Variants in NEBL observed in about 807,000 individuals in gnomAD.
NEBL encodes the protein LIM and SH3 protein 2.
A neutral mutation model predicts 140.2 loss-of-function variants in NEBL; 122 were observed. The observed-to-expected ratio is 0.87, with a 90% CI of 0.75 to 1.01. NEBL has a LOEUF of 1.01. NEBL is among the 50% of genes least tolerant of loss of function. The probability of loss-of-function intolerance (pLI) is 0.00; values close to 1 mark genes in which losing one functional copy is unlikely to be tolerated. For synonymous variants in NEBL, 436 were observed against 398.9 expected, an observed-to-expected ratio of 1.09 and a Z score of -1.11; for missense variants, 1,365 against 1,231.3, an observed-to-expected ratio of 1.11 and a Z score of -1.62.
At chr10:21,018,114 G>A (rs1051984688) in intron 3 of NEBL, among the ~76,000 whole-genome samples, 1 of 152,030 alleles carries the variant, frequency 6.6e-6, no homozygotes, top group Non-Finnish European at 1.5e-5. Context: ...GAGCCCCCGT[G>A]CCCAGCCTGA....
intron 25 of NEBL, 45 bp downstream of exon 25, chr10:20,809,761 G>T: frequency 2.1e-6 from 3 of 1,403,712 alleles, no homozygotes; most frequent in South Asian, 1.2e-5. Flanking sequence ...GTTCACTTTT[G>T]GGACAAAACC....
At chr10:20,998,591 A>G (rs547871130) in intron 3 of NEBL, among the ~76,000 whole-genome samples, 1 of 152,240 alleles carries the variant, frequency 6.6e-6, no homozygotes, top group African/African-American at 2.4e-5. Context: ...GAACCATAAA[A>G]ATGCTACGTC....
At chr10:21,074,525 G>T (rs1835973239) in intron 2 of NEBL, among the ~76,000 whole-genome samples, 1 of 150,894 alleles carries the variant, frequency 6.6e-6, no homozygotes. Flanking sequence ...TGTTGCCCAG[G>T]CTGGAGTGCA....
At chr10:21,169,061 A>ATATATAT (rs1192477617) in intron 2 of NEBL, among the ~76,000 whole-genome samples, 5 of 41,718 alleles carry the variant, frequency 1.2e-4, no homozygotes, top group African/African-American at 3.0e-4. Flanking sequence ...AAAAAAAAAA[A>ATATATAT]AAAAAAATAT....
intron 4 of NEBL, among the ~76,000 whole-genome samples, chr10:20,906,463 AAACTAT>A (rs1194505754): frequency 6.6e-6 from 1 of 152,192 alleles, no homozygotes; most frequent in East Asian, 1.9e-4. Flanking sequence ...TGTTTAACTT[AAACTAT>A]AAGATAATAT....
At chr10:20,824,522 C>T (rs1418327341) in intron 18 of NEBL, among the ~76,000 whole-genome samples, 1 of 152,132 alleles carries the variant, frequency 6.6e-6, no homozygotes, top group Admixed American at 6.5e-5. Flanking sequence ...AAGGCTTGTA[C>T]TCTGGAGGTG....
intron 26 of NEBL, among the ~76,000 whole-genome samples, chr10:20,801,594 T>C (rs1392080704): frequency 6.6e-6 from 1 of 152,080 alleles, no homozygotes; most frequent in African/African-American, 2.4e-5. Flanking sequence ...GAATGTGAGC[T>C]CTCTAAAAAC....
chr10:21,136,753 A>G (rs1220803165), intron 2 of NEBL, among the ~76,000 whole-genome samples: 1 of 152,168 alleles, frequency 6.6e-6, no homozygotes, highest in Non-Finnish European at 1.5e-5. Context: ...TCTCCTTCCC[A>G]AACCAGCAAA....
intron 2 of NEBL, chr10:21,172,327 T>A: frequency 1.4e-6 from 2 of 1,391,634 alleles, no homozygotes; most frequent in Non-Finnish European, 2.0e-6. Context: ...GCAGGTCCAC[T>A]GGCTCTCAAG....
chr10:21,156,812 A>AAGAT (rs1355370820), intron 2 of NEBL, among the ~76,000 whole-genome samples: 1 of 152,240 alleles, frequency 6.6e-6, no homozygotes, highest in Non-Finnish European at 1.5e-5. Context: ...TAGGAATATT[A>AAGAT]AGATTATAAA....
At chr10:20,791,551 A>G (rs1835980104) in intron 26 of NEBL, among the ~76,000 whole-genome samples, 1 of 150,738 alleles carries the variant, frequency 6.6e-6, no homozygotes, top group Non-Finnish European at 1.5e-5. Flanking sequence ...ATACGCCACC[A>G]TGCCCAGCTG....
intron 3 of NEBL, among the ~76,000 whole-genome samples, chr10:21,006,209 A>G (rs1285139927): frequency 1.3e-5 from 2 of 152,188 alleles, no homozygotes; most frequent in African/African-American, 4.8e-5. Context: ...CTCTGTTTCC[A>G]GTTTTGTGCT....
intron 13 of NEBL, among the ~76,000 whole-genome samples, chr10:20,840,275 T>C (rs1373826043): frequency 6.6e-6 from 1 of 152,226 alleles, no homozygotes; most frequent in East Asian, 1.9e-4. Flanking sequence ...GACATTTCAG[T>C]TCTCCTTATA....
chr10:20,788,249 C>G (rs1366031173), intron 26 of NEBL, among the ~76,000 whole-genome samples: 1 of 152,028 alleles, frequency 6.6e-6, no homozygotes, highest in Non-Finnish European at 1.5e-5. Flanking sequence ...CCTTCATTGT[C>G]TTTTGAAAAA....
At chr10:20,803,949 C>T (rs986017580) in intron 26 of NEBL, among the ~76,000 whole-genome samples, 1 of 150,928 alleles carries the variant, frequency 6.6e-6, no homozygotes, top group African/African-American at 2.4e-5. Flanking sequence ...TGAAAGCCTT[C>T]CCCAAGAGAA....
chr10:21,124,894 A>C (rs1186708827), intron 2 of NEBL, among the ~76,000 whole-genome samples: 1 of 152,230 alleles, frequency 6.6e-6, no homozygotes. Context: ...CAGAAGTTTG[A>C]GGCTGCAGTG....
rs1367906931 is a variant in NEBL at position 21,173,885 on chromosome 10, C to A, written c.-52G>T. On this transcript the variant is annotated 5_prime_UTR_variant, in exon 1 of 7. Transcript: ENST00000417816. This position sits in a 1 kb window ranked among gnomAD's most constrained non-coding sequence, Gnocchi z 5.7. ...GCGGCGGCTGCTGGCTCCCAGGAGCCGCTGTGACATCCCCCGGCGAGCCCC... is the reference window on the plus strand; with the variant it reads ...GCGGCGGCTGCTGGCTCCCAGGAGCAGCTGTGACATCCCCCGGCGAGCCCC... 2.5e-6 allele frequency: 4 copies of A among 1,598,310 alleles called. No individual in the cohort carries two copies. In the Admixed American group the frequency reaches 5.0e-5, roughly 20 times the overall value.
chr10:21,109,154 T>A (rs1837856916), intron 2 of NEBL, among the ~76,000 whole-genome samples: 1 of 152,182 alleles, frequency 6.6e-6, no homozygotes, highest in African/African-American at 2.4e-5. Context: ...ATAGCTCTTA[T>A]TATTTTGTGA....
intron 3 of NEBL, among the ~76,000 whole-genome samples, chr10:21,185,414 T>A (rs1841448890): frequency 6.6e-6 from 1 of 150,978 alleles, no homozygotes; most frequent in Non-Finnish European, 1.5e-5. Context: ...AAAACTCACC[T>A]CTGTATGGAG....
Sources: gnomAD v4.1 joint callset for allele counts (sites outside exome capture counted in the v4.1 genomes callset) on GRCh38, gnomAD v4.1.1 for gene constraint, Gnocchi (gnomAD v3.1) non-coding constraint, MANE v1.5 for transcripts, NCBI Gene and HGNC (gene_info 2026-07-23, HGNC 2026-07-21) for gene names.